The following GPSM1 variants were observed in gnomAD, a reference collection of about 807,000 sequenced individuals.
GPSM1 encodes the protein G protein signaling modulator 1, also known as G protein-signaling modulator 1.
GPSM1 carries 48 observed loss-of-function variants against 70.5 expected under a neutral mutation model. The observed-to-expected ratio is 0.68, with a 90% CI of 0.54 to 0.87. The LOEUF is 0.87. GPSM1 is among the 40% of genes least tolerant of loss of function. The pLI, the probability that GPSM1 is intolerant of heterozygous loss-of-function variation, is 0.00. For missense variants in GPSM1, 981 were observed against 972.6 expected (o/e 1.01, Z -0.11); for synonymous variants, 416 against 430.1 (o/e 0.97, Z 0.41).
At chr9:136,357,260 T>C (rs1225141530) in intron 13 of GPSM1, among the ~76,000 whole-genome samples, 1 of 152,160 alleles carries the variant, frequency 6.6e-6, no homozygotes, top group African/African-American at 2.4e-5. Context: ...GGGAACAGGC[T>C]GGGGGTGGAG....
intron 5 of GPSM1, 32 bp from the exon 6 acceptor site, chr9:136,337,813 CA>C: frequency 6.5e-7 from 1 of 1,533,302 alleles, no homozygotes; most frequent in South Asian, 1.1e-5. Context: ...GGGGCTGCGC[CA>C]TGACCACCTG....
chr9:136,345,504 C>G (rs954219903), intron 9 of GPSM1, among the ~76,000 whole-genome samples: 1 of 152,230 alleles, frequency 6.6e-6, no homozygotes, highest in Non-Finnish European at 1.5e-5. Context: ...TGGGGCCAGA[C>G]GCAGGCTGTG....
Position 136,337,878 on chromosome 9 carries a change from G to A in GPSM1, c.735G>A (p.Lys245=), listed in dbSNP as rs1832286010. The A allele has an allele frequency of 3.1e-6, 5 of 1,612,374 alleles. No homozygotes were observed. Among genetic ancestry groups the A allele is most frequent in the African/African-American group, 1.3e-5 (1 of 74,918 alleles). ...CCATTGCTAAGGAGTTTGGAGACAAGGCAGCCGAGAGGAGGGCCTACAGCA... is the reference window on the plus strand; with the variant it reads ...CCATTGCTAAGGAGTTTGGAGACAAAGCAGCCGAGAGGAGGGCCTACAGCA... ...RLAIAKEFGD[K]AAERRAYSNL... is the part of the protein sequence containing the mutation. Residue 245 remains lysine (K), a synonymous_variant, in exon 6 of 14, where the codon AAG becomes AAA. Transcript: ENST00000440944.
At position 136,327,770 on chromosome 9, in the gene GPSM1, C is replaced by CGGGCCGGGGCGG. The variant is rs1288107442; in HGVS notation, c.68+17_68+18insGGGGGCCGGGGC. On this transcript the variant is annotated splice_region_variant and intron_variant, in intron 1 of 13. Transcript: ENST00000440944. ...CCAGGCGCCTCTACTCCAGGTAGGA[C>CGGGCCGGGGCGG]GGGCCGGGGCCGGGGCCGGGGCCGG... 4.6e-5 allele frequency: 50 copies of CGGGCCGGGGCGG among 1,095,662 alleles called. No individual in the cohort carries two copies. Among genetic ancestry groups the CGGGCCGGGGCGG allele is most frequent in the Non-Finnish European group, 5.6e-5 (49 of 877,696 alleles). The allele number at this position is 1,095,662 out of a possible 1,614,324, so 67.9% of individuals were successfully genotyped here.
intron 4 of GPSM1, 78 bp from the exon 5 acceptor site, chr9:136,337,363 G>A (rs187082063): frequency 1.7e-5 from 26 of 1,533,912 alleles, no homozygotes; most frequent in Admixed American, 1.6e-4. Context: ...CATGGAGGCC[G>A]CTACTCAGCT....
intron 1 of GPSM1, among the ~76,000 whole-genome samples, chr9:136,328,441 A>C (rs1564338250): frequency 6.6e-6 from 1 of 152,192 alleles, no homozygotes. Context: ...GCAGAGCCAC[A>C]CGAGCGTGAG....
chr9:136,348,882 A>T (rs28429551), intron 10 of GPSM1, 115 bp downstream of exon 10: 183,056 of 765,582 alleles, frequency 0.24, 22,979 homozygotes, highest in Admixed American at 0.27. Flanking sequence ...TGGGAGATAA[A>T]TGTGCCCTCC....
At chr9:136,329,619 G>C (rs1449247784) in intron 1 of GPSM1, among the ~76,000 whole-genome samples, 2 of 152,180 alleles carry the variant, frequency 1.3e-5, no homozygotes, top group African/African-American at 4.8e-5. Context: ...TGGGGCTCCA[G>C]GTTGGCCCAA....
intron 12 of GPSM1, 109 bp downstream of exon 12, chr9:136,355,955 C>A: frequency 1.1e-6 from 1 of 901,604 alleles, no homozygotes; most frequent in Non-Finnish European, 1.6e-6. Context: ...ACCAGCAGGC[C>A]AGCTGCAGAG....
chr9:136,338,023 A>G (rs1832290311), intron 6 of GPSM1, 62 bp downstream of exon 6: 3 of 1,075,992 alleles, frequency 2.8e-6, no homozygotes, highest in Non-Finnish European at 4.1e-6. Context: ...TGCCAGGCCA[A>G]GGAAGTGCCC....
At chr9:136,344,348 C>A (rs1832470200) in intron 9 of GPSM1, among the ~76,000 whole-genome samples, 4 of 152,302 alleles carry the variant, frequency 2.6e-5, no homozygotes, top group African/African-American at 9.6e-5. Flanking sequence ...CAAAGCACCG[C>A]AGGCCGGGGC....
chr9:136,355,680 C>T lies in GPSM1; in HGVS notation c.1456-10C>T, dbSNP rs781848203. 1.9e-6 allele frequency: 3 copies of T among 1,610,720 alleles called. No individual in the cohort carries two copies. The South Asian group carries it at 3.3e-5, about 18-fold the overall frequency. ...TAGCTTTGGCTGCGGTGACCCCACT[C>T]CCTCCCCAGAGCATCCCGAGGGCCC... On this transcript the variant is annotated splice_polypyrimidine_tract_variant and intron_variant, in intron 11 of 13. Coordinates refer to ENST00000440944, the MANE Select transcript of GPSM1 (RefSeq NM_001145638.3).
intron 10 of GPSM1, among the ~76,000 whole-genome samples, chr9:136,349,164 G>A (rs1437429497): frequency 3.9e-5 from 6 of 152,256 alleles, no homozygotes; most frequent in African/African-American, 1.4e-4. Flanking sequence ...AGACAGATTC[G>A]GGGGCTGCCT....
At chr9:136,356,303 C>A (rs782119412) in intron 12 of GPSM1, 39 bp from the exon 13 acceptor site, 1 of 1,445,546 alleles carries the variant, frequency 6.9e-7, no homozygotes, top group Non-Finnish European at 9.3e-7. Flanking sequence ...GGCTTGACCC[C>A]GCACTGGGTC....
At chr9:136,356,223 G>A (rs1832817475) in intron 12 of GPSM1, 119 bp from the exon 13 acceptor site, 1 of 795,084 alleles carries the variant, frequency 1.3e-6, no homozygotes, top group Non-Finnish European at 1.9e-6. Context: ...AGGAGCCATG[G>A]CCCCAGCAGC....
intron 11 of GPSM1, among the ~76,000 whole-genome samples, chr9:136,352,222 C>CCA (rs1554772262): frequency 8.4e-5 from 5 of 59,352 alleles, no homozygotes; most frequent in African/African-American, 2.9e-4. Context: ...CTGTTGGTGA[C>CCA]ACCGATGCTG....
chr9:136,349,133 T>A (rs1304475975), intron 10 of GPSM1, among the ~76,000 whole-genome samples: 1 of 152,230 alleles, frequency 6.6e-6, no homozygotes, highest in Non-Finnish European at 1.5e-5. Context: ...AGACACTGGC[T>A]GGGGTTCAGC....
chr9:136,350,879 A>G (rs906310211), intron 11 of GPSM1, among the ~76,000 whole-genome samples: 14 of 152,020 alleles, frequency 9.2e-5, no homozygotes, highest in Non-Finnish European at 2.1e-4. Context: ...GGACAGACAG[A>G]CTGGTGGTCA....
At chr9:136,332,048 C>T (rs1396984680) in intron 1 of GPSM1, 3 of 398,760 alleles carry the variant, frequency 7.5e-6, no homozygotes, top group Non-Finnish European at 1.3e-5. Context: ...TGGCCCTGAG[C>T]TTGGCGGAGA....
Sources: gnomAD v4.1 joint callset for allele counts (sites outside exome capture counted in the v4.1 genomes callset) on GRCh38, gnomAD v4.1.1 for gene constraint, MANE v1.5 for transcripts, NCBI Gene and HGNC (gene_info 2026-07-23, HGNC 2026-07-21) for gene names.